Variants in STOX2 observed in about 807,000 individuals in gnomAD.
STOX2 encodes storkhead-box protein 2.
STOX2 carries 28 observed loss-of-function variants against 60.9 expected under a neutral mutation model. The observed-to-expected ratio is 0.46, with a 90% CI of 0.34 to 0.63. The LOEUF is 0.63. Ranked by LOEUF, STOX2 falls within the 30% of genes least tolerant of loss-of-function variation. STOX2 has a pLI of 0.01. For missense variants in STOX2, 1,024 were observed against 1,187.7 expected (o/e 0.86, Z 2.03); for synonymous variants, 472 against 463.9 (o/e 1.02, Z -0.22).
chr4:183,842,015 C>A (rs777910634), intron 1 of STOX2, among the ~76,000 whole-genome samples: 1 of 152,234 alleles, frequency 6.6e-6, no homozygotes, highest in Non-Finnish European at 1.5e-5. Flanking sequence ...CATATAATCC[C>A]TGTAAGAAAA....
At chr4:183,839,473 G>T (rs937758346) in intron 1 of STOX2, among the ~76,000 whole-genome samples, 1 of 152,166 alleles carries the variant, frequency 6.6e-6, no homozygotes, top group Non-Finnish European at 1.5e-5. Context: ...CCACTTGAGG[G>T]CACCATGAAC....
chr4:184,000,716 C>G (rs959431077), intron 1 of STOX2, among the ~76,000 whole-genome samples: 2 of 152,022 alleles, frequency 1.3e-5, no homozygotes, highest in Admixed American at 6.6e-5. Context: ...GAGCCCCACC[C>G]TCGCCTCCCA....
intron 1 of STOX2, among the ~76,000 whole-genome samples, chr4:183,878,537 A>T (rs983216305): frequency 6.6e-6 from 1 of 152,270 alleles, no homozygotes; most frequent in Admixed American, 6.5e-5. Context: ...ATTACAGACA[A>T]TAGCAAATTG....
intron 1 of STOX2, among the ~76,000 whole-genome samples, chr4:183,841,118 C>T (rs1352717295): frequency 6.6e-6 from 1 of 152,144 alleles, no homozygotes; most frequent in Non-Finnish European, 1.5e-5. Context: ...TCTGCCCGCC[C>T]CGACCTCCCG....
chr4:183,946,039 G>T (rs1742877061), intron 1 of STOX2, among the ~76,000 whole-genome samples: 1 of 152,164 alleles, frequency 6.6e-6, no homozygotes, highest in African/African-American at 2.4e-5. Flanking sequence ...GGCACACAGG[G>T]TAAATGATTT....
Position 184,001,464 on chromosome 4 carries a change from C to T in STOX2, c.306C>T (p.Thr102=). The T allele has an allele frequency of 1.2e-6, 2 of 1,613,694 alleles. No homozygotes were observed. Among genetic ancestry groups the T allele is most frequent in the Admixed American group, 1.7e-5 (1 of 60,010 alleles). Residue 102 remains threonine, a synonymous_variant, in exon 2 of 4, where the codon ACC becomes ACT. Coordinates refer to ENST00000308497, the MANE Select transcript of STOX2 (RefSeq NM_020225.3). The surrounding 1 kb of genome is among the most constrained non-coding windows in gnomAD (Gnocchi z 4.2). ...AAGAAGCACTGATGGAGCACCTGAC[C>T]ACGTGCTTCCCAGGTAACGAGGCGG... ...VTQEALMEHL[T]TCFPGVPTPS...
Position 183,799,709 on chromosome 4 carries a change from G to C in STOX2, c.364+1654G>C, listed in dbSNP as rs555223424. ...ACATTATATCAACTTGATTTCATTTGTAAATATTTCAGTATGCTCATGTAT... is the reference window on the plus strand; with the variant it reads ...ACATTATATCAACTTGATTTCATTTCTAAATATTTCAGTATGCTCATGTAT... On this transcript the variant is annotated intron_variant, in intron 1 of 2. Transcript: ENST00000513034. Among the ~76,000 whole-genome samples, 17 of 151,026 alleles carry C rather than the reference G, an allele frequency of 1.1e-4. No homozygotes were observed. In the East Asian group the frequency reaches 2.9e-3, roughly 26 times the overall value.
At chr4:183,965,922 G>A (rs1280863499) in intron 1 of STOX2, among the ~76,000 whole-genome samples, 1 of 152,164 alleles carries the variant, frequency 6.6e-6, no homozygotes, top group Non-Finnish European at 1.5e-5. Context: ...CTGCCCCAGT[G>A]GTGGTGCTAC....
rs1360378385 is a variant in STOX2, at chr4:183,906,898, G to A, written c.108G>A (p.Leu36=). Residue 36 remains leucine, a synonymous_variant, in exon 1 of 4, where the codon CTG becomes CTA. Transcript: ENST00000308497. ...CCCGCAGCGAGAAGGACTACCGCCT[G>A]CACAAGCGTTTCCCCGCGGCCTTCG... ...MRSRSEKDYR[L]HKRFPAAFAP... 6.4e-7 allele frequency: 1 copy of A among 1,550,586 alleles called. No homozygotes were observed. The highest frequency in any genetic ancestry group is 8.7e-7 in the Non-Finnish European group (1 of 1,146,420).
At chr4:183,883,006 T>C (rs902911876) in intron 1 of STOX2, among the ~76,000 whole-genome samples, 1 of 152,216 alleles carries the variant, frequency 6.6e-6, no homozygotes, top group East Asian at 1.9e-4. Context: ...ATATAACTGT[T>C]GCTTTTTTTT....
At chr4:183,871,669 TA>T (rs981761289) in intron 1 of STOX2, among the ~76,000 whole-genome samples, 18 of 152,222 alleles carry the variant, frequency 1.2e-4, no homozygotes, top group African/African-American at 2.4e-4. Context: ...ATTTTATTAT[TA>T]TTTTTTTACT....
At chr4:184,008,035 C>T (rs1182510938) in intron 2 of STOX2, among the ~76,000 whole-genome samples, 2 of 152,218 alleles carry the variant, frequency 1.3e-5, no homozygotes, top group Admixed American at 6.5e-5. Context: ...CAGCCCGGCC[C>T]CAGCCTTTTA....
intron 1 of STOX2, among the ~76,000 whole-genome samples, chr4:183,826,694 A>G (rs577886303): frequency 6.6e-5 from 10 of 152,302 alleles, no homozygotes; most frequent in African/African-American, 2.2e-4. Context: ...TCTGCCCCGC[A>G]GGGTTTGCGG....
chr4:183,924,279 T>C (rs1742179456), intron 1 of STOX2, among the ~76,000 whole-genome samples: 1 of 152,086 alleles, frequency 6.6e-6, no homozygotes, highest in Non-Finnish European at 1.5e-5. Flanking sequence ...CACAGTTGGC[T>C]GGAGATATAC....
chr4:183,859,357 G>T (rs902044686), intron 1 of STOX2, among the ~76,000 whole-genome samples: 12 of 152,226 alleles, frequency 7.9e-5, no homozygotes, highest in Admixed American at 2.0e-4. Flanking sequence ...GCAAGATCAC[G>T]ACGCTGGGGA....
chr4:184,009,678 C>T lies in STOX2; in HGVS notation c.840C>T (p.Thr280=), dbSNP rs1219963491. Residue 280 remains threonine (T), a synonymous_variant, in exon 3 of 4, where the codon ACC becomes ACT. Coordinates refer to ENST00000308497, the MANE Select transcript of STOX2 (RefSeq NM_020225.3). This position sits in a 1 kb window ranked among gnomAD's most constrained non-coding sequence, Gnocchi z 4.0. ...GGTTAAGTTTTAAAAAAGACAAGAC[C>T]AAACAGCTGGCCAATTTTTCTGCCC... ...LFRLSFKKDK[T]KQLANFSAQF... 1 of 1,613,810 alleles carries T rather than the reference C, an allele frequency of 6.2e-7. No homozygotes were observed. Among genetic ancestry groups the T allele is most frequent in the Non-Finnish European group, 8.5e-7 (1 of 1,179,882 alleles).
intron 1 of STOX2, among the ~76,000 whole-genome samples, chr4:183,803,655 C>T (rs1487015360): frequency 6.6e-6 from 1 of 152,164 alleles, no homozygotes; most frequent in Non-Finnish European, 1.5e-5. Context: ...AGTGGCACAA[C>T]AGACATTTGA....
chr4:183,994,216 A>T (rs1733235677), intron 1 of STOX2, among the ~76,000 whole-genome samples: 1 of 152,158 alleles, frequency 6.6e-6, no homozygotes, highest in South Asian at 2.1e-4. Flanking sequence ...CCCCATGCCC[A>T]TAGTGCATTT....
rs1741605318 is a variant in STOX2, at chr4:183,906,418, T to G, written c.-373T>G. 1 of 180,570 alleles carries G rather than the reference T, an allele frequency of 5.5e-6. No homozygotes were observed. The highest frequency in any genetic ancestry group is 1.8e-4 in the South Asian group (1 of 5,714). The allele number at this position is 180,570 out of a possible 1,614,324, so 11.2% of individuals were successfully genotyped here. On this transcript the variant is annotated 5_prime_UTR_variant, in exon 1 of 4. Transcript: ENST00000308497. Reference sequence around the variant, plus strand: ...TCCTGCGCTGAATCGGGCCATTGTCTGCGCTCCCATTGCCTTCACGCTGCA... The same window carrying G: ...TCCTGCGCTGAATCGGGCCATTGTCGGCGCTCCCATTGCCTTCACGCTGCA...
Sources: gnomAD v4.1 joint callset for allele counts (sites outside exome capture counted in the v4.1 genomes callset) on GRCh38, gnomAD v4.1.1 for gene constraint, Gnocchi (gnomAD v3.1) non-coding constraint, MANE v1.5 for transcripts, NCBI Gene and HGNC (gene_info 2026-07-23, HGNC 2026-07-21) for gene names.